Variants in SNX25 observed in about 807,000 individuals in gnomAD.
SNX25 encodes sorting nexin-25.
A neutral mutation model predicts 113.7 loss-of-function variants in SNX25; 62 were observed. The observed-to-expected ratio is 0.55, with a 90% confidence interval of 0.44 to 0.67. SNX25 has a LOEUF of 0.67. Ranked by LOEUF, SNX25 falls within the 30% of genes least tolerant of loss-of-function variation. SNX25 has a pLI of 0.00. For synonymous variants in SNX25, 421 were observed against 436.2 expected (o/e 0.97, Z 0.43); for missense variants, 1,014 against 1,161.0 (o/e 0.87, Z 1.84).
intron 15 of SNX25, among the ~76,000 whole-genome samples, chr4:185,355,694 T>A (rs777175168): frequency 3.9e-5 from 6 of 152,240 alleles, no homozygotes; most frequent in African/African-American, 7.2e-5. Flanking sequence ...CTTTTTAATA[T>A]TTGAGACACT....
At chr4:185,260,296 A>G (rs942083449) in intron 3 of SNX25, among the ~76,000 whole-genome samples, 2 of 151,986 alleles carry the variant, frequency 1.3e-5, no homozygotes, top group South Asian at 2.1e-4. Flanking sequence ...TGTTCCCAGG[A>G]TTTCTCTACA....
chr4:185,373,365 G>T (rs761981061), downstream of SNX25, among the ~76,000 whole-genome samples: 1 of 152,156 alleles, frequency 6.6e-6, no homozygotes, highest in Non-Finnish European at 1.5e-5. Flanking sequence ...GATCTTCAGA[G>T]TAAGGATCAG....
chr4:185,364,637 TC>T (rs2095380139), downstream of SNX25: 1 of 152,192 alleles, frequency 6.6e-6, no homozygotes, highest in Non-Finnish European at 1.5e-5. Context: ...CCAAATGTTA[TC>T]CTTAAGATTT....
At chr4:185,346,941 T>A (rs1012658196) in intron 13 of SNX25, among the ~76,000 whole-genome samples, 11 of 152,210 alleles carry the variant, frequency 7.2e-5, no homozygotes, top group Non-Finnish European at 1.6e-4. Flanking sequence ...CTGCAGCCCC[T>A]CTAAAGGCAA....
In SNX25 at chr4:185,332,707, A is replaced by G; in HGVS notation, c.1862A>G (p.Tyr621Cys). The stretch of plus-strand genomic sequence containing the variant: ...CGAGAACTAAATGAGAAACTTGAAT[A>G]TAAAAGGCAAGCTCTAAATTCTATT... ...KLRELNEKLE[Y>C]KRQALNSIQN... The change falls in exon 10 of 19, where the codon TAT (tyrosine) becomes TGT (cysteine). Residue 621 changes from tyrosine to cysteine, a missense_variant. Coordinates refer to ENST00000652585, the MANE Select transcript of SNX25 (RefSeq NM_001378034.2). The G allele has an allele frequency of 6.2e-7, 1 of 1,614,142 alleles. No homozygotes were observed. The highest frequency in any genetic ancestry group is 8.5e-7 in the Non-Finnish European group (1 of 1,180,004).
At chr4:185,222,693 T>G (rs927860122) in intron 1 of SNX25, among the ~76,000 whole-genome samples, 4 of 152,232 alleles carry the variant, frequency 2.6e-5, no homozygotes, top group Admixed American at 2.0e-4. Flanking sequence ...TCTGTGTCTT[T>G]AAGGCCTAGT....
chr4:185,300,840 GACACACACAC>G (rs58762122), intron 6 of SNX25, among the ~76,000 whole-genome samples: 1,591 of 140,780 alleles, frequency 0.011, 22 homozygotes, highest in South Asian at 0.056. Context: ...TGATTATTAT[GACACACACAC>G]ACACACACAC....
At chr4:185,309,181 C>G (rs756200758) in intron 6 of SNX25, among the ~76,000 whole-genome samples, 17 of 152,190 alleles carry the variant, frequency 1.1e-4, no homozygotes, top group Non-Finnish European at 2.2e-4. Context: ...AGCCTCGGTT[C>G]CTCTCCATAT....
intron 2 of SNX25, among the ~76,000 whole-genome samples, chr4:185,252,968 A>C (rs576012423): frequency 5.6e-4 from 86 of 152,220 alleles, no homozygotes; most frequent in African/African-American, 1.9e-3. Flanking sequence ...ATATGAATGA[A>C]CTCTTCTTTT....
intron 10 of SNX25, among the ~76,000 whole-genome samples, chr4:185,335,059 C>T (rs1279907368): frequency 6.6e-6 from 1 of 152,072 alleles, no homozygotes; most frequent in East Asian, 1.9e-4. Context: ...GTGGCTCATG[C>T]CTGTAATCCC....
chr4:185,302,589 C>T (rs916869286), intron 6 of SNX25, among the ~76,000 whole-genome samples: 4 of 152,216 alleles, frequency 2.6e-5, no homozygotes, highest in Non-Finnish European at 2.9e-5. Context: ...GTTTTCCTTG[C>T]AGTGCCCTTA....
At chr4:185,245,339 C>T (rs1482721689) in intron 1 of SNX25, among the ~76,000 whole-genome samples, 2 of 151,726 alleles carry the variant, frequency 1.3e-5, no homozygotes, top group African/African-American at 2.4e-5. Context: ...AAATGCCAAG[C>T]AGTATCTTTT....
chr4:185,299,301 T>C (rs768304999), intron 6 of SNX25, among the ~76,000 whole-genome samples: 9 of 152,122 alleles, frequency 5.9e-5, no homozygotes, highest in Non-Finnish European at 1.0e-4. Flanking sequence ...GTGCTTGATA[T>C]GCAGTGGAGA....
intron 16 of SNX25, among the ~76,000 whole-genome samples, 176 bp from the exon 17 acceptor site, chr4:185,361,748 A>G (rs1422335194): frequency 6.6e-6 from 1 of 152,216 alleles, no homozygotes; most frequent in Non-Finnish European, 1.5e-5. Context: ...AAAAAATAAT[A>G]ATAATTAAAA....
intron 2 of SNX25, among the ~76,000 whole-genome samples, chr4:185,252,662 A>C (rs1301664002): frequency 6.6e-6 from 1 of 152,208 alleles, no homozygotes; most frequent in Admixed American, 6.5e-5. Context: ...GCATGTATAC[A>C]TGTTCTACAT....
chr4:185,254,392 T>C (rs1226488283), intron 2 of SNX25, among the ~76,000 whole-genome samples: 1 of 152,190 alleles, frequency 6.6e-6, no homozygotes, highest in Non-Finnish European at 1.5e-5. Context: ...GACTGTCTCT[T>C]TGTTCTAAGA....
chr4:185,320,337 G>A (rs1367022489), intron 7 of SNX25, among the ~76,000 whole-genome samples: 1 of 152,184 alleles, frequency 6.6e-6, no homozygotes, highest in Non-Finnish European at 1.5e-5. Flanking sequence ...AGACATGGAT[G>A]AAGCTAGAGG....
chr4:185,276,371 A>T (rs72708066), intron 5 of SNX25, among the ~76,000 whole-genome samples: 52 of 152,328 alleles, frequency 3.4e-4, no homozygotes, highest in African/African-American at 1.2e-3. Context: ...CTAGTGGTCA[A>T]CTGGAGTGCA....
chr4:185,343,374 G>A (rs187028171), intron 12 of SNX25, among the ~76,000 whole-genome samples: 239 of 152,322 alleles, frequency 1.6e-3, no homozygotes, highest in African/African-American at 5.1e-3. Flanking sequence ...GTAGTAATGA[G>A]CATTGTTTCA....
Sources: gnomAD v4.1 joint callset for allele counts (sites outside exome capture counted in the v4.1 genomes callset) on GRCh38, gnomAD v4.1.1 for gene constraint, MANE v1.5 for transcripts, NCBI Gene and HGNC (gene_info 2026-07-23, HGNC 2026-07-21) for gene names.